Variants in DCT observed in about 807,000 individuals in gnomAD.
DCT encodes L-dopachrome tautomerase.
In DCT, 47 loss-of-function variants were observed where a neutral mutation model predicts 53.0. The observed-to-expected ratio is 0.89, with a 90% CI of 0.70 to 1.13. The LOEUF (loss-of-function observed/expected upper bound fraction) is 1.13, where lower values mean the gene tolerates loss of function less well. Ranked by LOEUF, DCT falls within the 50% of genes most tolerant of loss-of-function variation. The pLI, the probability that DCT is intolerant of heterozygous loss-of-function variation, is 0.00. For synonymous variants in DCT, 244 were observed against 237.0 expected, an observed-to-expected ratio of 1.03 and a Z score of -0.27; for missense variants, 669 against 637.4, an observed-to-expected ratio of 1.05 and a Z score of -0.53.
chr13:94,535,914 A>T, the DCT span, among the ~76,000 whole-genome samples: 1 of 152,162 alleles, frequency 6.6e-6, no homozygotes, highest in Non-Finnish European at 1.5e-5. Context: ...TTCGAGGAAG[A>T]ATGTCTCCTG....
Position 94,438,683 on chromosome 13 carries a change from T to G in DCT, c.*1215A>C. 1 of 455,822 alleles carries G rather than the reference T, an allele frequency of 2.2e-6. No individual in the cohort carries two copies. Among genetic ancestry groups the G allele is most frequent in the African/African-American group, 2.0e-5 (1 of 50,186 alleles). 28.2% of individuals were successfully genotyped at this position (455,822 alleles called of 1,614,324 possible). On this transcript the variant is annotated 3_prime_UTR_variant, in exon 8 of 8. Coordinates refer to ENST00000377028, the MANE Select transcript of DCT (RefSeq NM_001922.5). ...ATTAACTTCTCTGAAGTGGGGTCCA[T>G]CATGATAAGTCTGAACATCGTAGTA...
At chr13:94,470,000 G>A (rs989477586) in intron 1 of DCT, among the ~76,000 whole-genome samples, 2 of 151,920 alleles carry the variant, frequency 1.3e-5, no homozygotes, top group Admixed American at 1.3e-4. Context: ...GCTTGAACCC[G>A]GGAAGTAGAG....
chr13:94,542,614 C>A, the DCT span, among the ~76,000 whole-genome samples: 1 of 152,144 alleles, frequency 6.6e-6, no homozygotes, highest in African/African-American at 2.4e-5. Context: ...CGTTCAATTC[C>A]CCACCTTTCC....
Position 94,439,719 on chromosome 13 carries a change from A to T in DCT, c.*179T>A, listed in dbSNP as rs1220776640. On this transcript the variant is annotated 3_prime_UTR_variant, in exon 8 of 8. Coordinates refer to ENST00000377028, the MANE Select transcript of DCT (RefSeq NM_001922.5). Reference sequence around the variant, plus strand: ...CAAGCACTTTAGTTGGGTTTGTTAAACAAGCAAGCAAAGCGGAAACTACAG... The same window carrying T: ...CAAGCACTTTAGTTGGGTTTGTTAATCAAGCAAGCAAAGCGGAAACTACAG... The T allele has an allele frequency of 1.1e-5, 5 of 461,264 alleles. No homozygotes were observed. In the East Asian group the frequency reaches 1.7e-4, roughly 15 times the overall value. The allele number at this position is 461,264 out of a possible 1,614,324, so 28.6% of individuals were successfully genotyped here. A position where few individuals can be genotyped will look rare whatever the true frequency, so the allele number is the denominator to read the frequency against.
In DCT at chr13:94,462,048, G is replaced by T; in HGVS notation, c.1005C>A (p.Asp335Glu). The change falls in exon 5 of 8, where the codon GAC (aspartate) becomes GAA (glutamate). Residue 335 changes from aspartate (D) to glutamate (E), a missense_variant. Physicochemically the swap from Asp to Glu is conservative, Grantham distance 45. Transcript: ENST00000377028. ...IRDCLSLQKF[D>E]NPPFFQNSTF... ...TAGAGTTCTGGAAGAAGGGAGGATT[G>T]TCAAACTTCTGGAGAGACAGGCAAT... 6.2e-7 allele frequency: 1 copy of T among 1,613,270 alleles called. No individual in the cohort carries two copies. The highest frequency in any genetic ancestry group is 8.5e-7 in the Non-Finnish European group (1 of 1,179,856).
At chr13:94,518,445 A>G in the DCT span, among the ~76,000 whole-genome samples, 2 of 152,294 alleles carry the variant, frequency 1.3e-5, no homozygotes, top group Non-Finnish European at 2.9e-5. Context: ...TTACATCTAC[A>G]TGTTCCACAG....
chr13:94,500,333 A>G, the DCT span, among the ~76,000 whole-genome samples: 1 of 152,224 alleles, frequency 6.6e-6, no homozygotes, highest in Non-Finnish European at 1.5e-5. Flanking sequence ...AGAGAAAATG[A>G]GAGCCAACAA....
chr13:94,490,564 T>C, the DCT span, among the ~76,000 whole-genome samples: 9 of 147,728 alleles, frequency 6.1e-5, no homozygotes, highest in Non-Finnish European at 1.3e-4. Context: ...CTGTCTGACA[T>C]TTGCTTTAAA....
In DCT at chr13:94,439,716, T is replaced by TAAC; in HGVS notation, c.*181_*182insGTT. 2 of 458,050 alleles carry TAAC rather than the reference T, an allele frequency of 4.4e-6. No individual in the cohort carries two copies. The highest frequency in any genetic ancestry group is 7.6e-6 in the Non-Finnish European group (2 of 264,452). 28.4% of individuals were successfully genotyped at this position (458,050 alleles called of 1,614,324 possible). A position where few individuals can be genotyped will look rare whatever the true frequency, so the allele number is the denominator to read the frequency against. ...CCTCAAGCACTTTAGTTGGGTTTGT[T>TAAC]AAACAAGCAAGCAAAGCGGAAACTA... is the stretch of plus-strand genomic sequence containing the variant. On this transcript the variant is annotated 3_prime_UTR_variant, in exon 8 of 8. Coordinates refer to ENST00000377028, the MANE Select transcript of DCT (RefSeq NM_001922.5).
At chr13:94,545,914 G>A in the DCT span, among the ~76,000 whole-genome samples, 8,098 of 151,920 alleles carry the variant, frequency 0.053, 318 homozygotes, top group Non-Finnish European at 0.078. Context: ...CACTTCTAAT[G>A]ACACAGATTT....
At chr13:94,543,212 C>T in the DCT span, among the ~76,000 whole-genome samples, 22 of 152,280 alleles carry the variant, frequency 1.4e-4, no homozygotes, top group East Asian at 2.3e-3. Flanking sequence ...TGCTTCTAGT[C>T]ACTTAGTGTT....
the DCT span, among the ~76,000 whole-genome samples, chr13:94,500,974 T>C: frequency 1.3e-5 from 2 of 152,208 alleles, no homozygotes; most frequent in African/African-American, 4.8e-5. Context: ...TTAGTTTCTT[T>C]TTTTTCTAAA....
the DCT span, among the ~76,000 whole-genome samples, chr13:94,495,278 G>C: frequency 6.6e-6 from 1 of 152,050 alleles, no homozygotes; most frequent in Non-Finnish European, 1.5e-5. Flanking sequence ...TGTATATTTT[G>C]TGGAGACAGG....
chr13:94,497,713 G>A, the DCT span, among the ~76,000 whole-genome samples: 1 of 152,152 alleles, frequency 6.6e-6, no homozygotes, highest in Non-Finnish European at 1.5e-5. Flanking sequence ...GGAAGAAGAG[G>A]GGTTGGTCTT....
the DCT span, among the ~76,000 whole-genome samples, chr13:94,487,404 A>G: frequency 4.1e-4 from 62 of 152,370 alleles, no homozygotes; most frequent in African/African-American, 1.5e-3. Context: ...ACCAACTTGC[A>G]CATAAGAAGG....
chr13:94,485,949 G>A, the DCT span, among the ~76,000 whole-genome samples: 1 of 152,178 alleles, frequency 6.6e-6, no homozygotes, highest in Admixed American at 6.5e-5. Flanking sequence ...GATTTTAAAA[G>A]TAAGAAAGCA....
the DCT span, among the ~76,000 whole-genome samples, chr13:94,490,009 A>G: frequency 6.6e-6 from 1 of 152,332 alleles, no homozygotes; most frequent in South Asian, 2.1e-4. Flanking sequence ...AATCTCACTA[A>G]TTATGACAAA....
At chr13:94,469,131 G>A in intron 1 of DCT, 86 bp from the exon 2 acceptor site, 3 of 1,174,988 alleles carry the variant, frequency 2.6e-6, no homozygotes, top group Non-Finnish European at 3.7e-6. Context: ...AAATTTGAAT[G>A]GAAGAGAAGA....
chr13:94,521,693 AC>A, the DCT span, among the ~76,000 whole-genome samples: 1 of 135,908 alleles, frequency 7.4e-6, no homozygotes, highest in East Asian at 3.2e-4. Flanking sequence ...ACAAAAACAA[AC>A]AAAAAAAAAC....
Sources: allele counts gnomAD v4.1 joint callset (sites outside exome capture counted in the v4.1 genomes callset), GRCh38; gene constraint gnomAD v4.1.1; transcripts MANE v1.5; gene names NCBI Gene and HGNC (gene_info 2026-07-23, HGNC 2026-07-21).